The following B3GALT1 variants were observed in gnomAD, a reference collection of about 807,000 sequenced individuals.
The protein encoded by B3GALT1 is beta-1,3-galactosyltransferase 1, also known as UDP-Gal:betaGlcNAc beta 1,3-galactosyltransferase, polypeptide 1.
B3GALT1 carries 10 observed loss-of-function variants against 23.2 expected under a neutral mutation model. The ratio of observed to expected loss-of-function variants is 0.43; its 90% confidence interval spans 0.27 to 0.73. B3GALT1 has a LOEUF of 0.73. Among genes scored for constraint, B3GALT1 ranks in the 30% least tolerant of loss-of-function variants. The probability of loss-of-function intolerance (pLI) is 0.21; values close to 1 mark genes in which losing one functional copy is unlikely to be tolerated. For synonymous variants in B3GALT1, 156 were observed against 141.5 expected (o/e 1.10, Z -0.73); for missense variants, 299 against 405.4 (o/e 0.74, Z 2.25).
intron 1 of B3GALT1, among the ~76,000 whole-genome samples, chr2:167,371,343 C>T (rs1487693437): frequency 6.6e-6 from 1 of 152,042 alleles, no homozygotes; most frequent in Non-Finnish European, 1.5e-5. Flanking sequence ...AAATAGGCCC[C>T]TGTACTAAGG....
chr2:167,715,638 C>G (rs1418964089), intron 3 of B3GALT1: 1 of 1,613,830 alleles, frequency 6.2e-7, no homozygotes, highest in Admixed American at 1.7e-5. Context: ...AGGATTTCAT[C>G]CTCAAGTTCA....
At chr2:167,698,365 A>C (rs1339077510) in intron 3 of B3GALT1, among the ~76,000 whole-genome samples, 1 of 152,202 alleles carries the variant, frequency 6.6e-6, no homozygotes, top group South Asian at 2.1e-4. Context: ...TTTTAAGATC[A>C]TCTCCTTCCT....
chr2:167,646,575 T>C (rs183171827), intron 2 of B3GALT1, among the ~76,000 whole-genome samples: 1 of 152,336 alleles, frequency 6.6e-6, no homozygotes, highest in Admixed American at 6.5e-5. Context: ...CTAATGATAC[T>C]TGTAGTCACA....
intron 2 of B3GALT1, among the ~76,000 whole-genome samples, chr2:167,549,466 A>C (rs972396285): frequency 4.1e-4 from 62 of 152,318 alleles, no homozygotes; most frequent in Non-Finnish European, 6.9e-4. Flanking sequence ...TCCTGACAAC[A>C]AGAAGCTTCC....
Position 167,704,090 on chromosome 2 carries a change from G to A in B3GALT1, c.-352+57124G>A, listed in dbSNP as rs527818759. On this transcript the variant is annotated intron_variant, in intron 3 of 4. Transcript: ENST00000392690. ...CAGCTACTCGGGAGGCTGAGGCAGG[G>A]GAATGGCGTGAACCCGGGAGGCGGA... Among the ~76,000 whole-genome samples the A allele has an allele frequency of 3.9e-3, 585 of 150,516 alleles. 6 individuals are homozygous for A. The highest frequency in any genetic ancestry group is 0.011 in the South Asian group (52 of 4,762).
intron 2 of B3GALT1, among the ~76,000 whole-genome samples, chr2:167,638,882 A>G (rs114689629): frequency 0.021 from 3,207 of 152,084 alleles, 50 homozygotes; most frequent in Non-Finnish European, 0.031. Context: ...CAACCCTGAC[A>G]TTGATTAGCT....
chr2:167,732,493 A>G (rs1351580294), intron 3 of B3GALT1, among the ~76,000 whole-genome samples: 1 of 152,204 alleles, frequency 6.6e-6, no homozygotes, highest in Admixed American at 6.5e-5. Context: ...TGCAGTGGAT[A>G]TGCCACTGGC....
intron 3 of B3GALT1, among the ~76,000 whole-genome samples, chr2:167,677,209 A>G (rs1686443646): frequency 6.6e-6 from 1 of 151,126 alleles, no homozygotes; most frequent in Non-Finnish European, 1.5e-5. Context: ...TGAAATGAGT[A>G]GATTATAGCT....
intron 4 of B3GALT1, among the ~76,000 whole-genome samples, chr2:167,837,882 A>AC (rs1689521866): frequency 6.6e-6 from 1 of 152,160 alleles, no homozygotes; most frequent in African/African-American, 2.4e-5. Context: ...CTCACTCAAA[A>AC]CCGCTCAACT....
At chr2:167,513,961 C>T (rs1700065474) in intron 2 of B3GALT1, among the ~76,000 whole-genome samples, 1 of 152,102 alleles carries the variant, frequency 6.6e-6, no homozygotes, top group South Asian at 2.1e-4. Context: ...GGCTGGAGGG[C>T]AGTGGTGCAG....
At chr2:167,463,127 A>T (rs1699290024) in intron 1 of B3GALT1, among the ~76,000 whole-genome samples, 1 of 151,460 alleles carries the variant, frequency 6.6e-6, no homozygotes, top group East Asian at 1.9e-4. Flanking sequence ...CTGGTTATTT[A>T]TTTTGTCTGT....
intron 1 of B3GALT1, among the ~76,000 whole-genome samples, chr2:167,448,329 G>T (rs1409447165): frequency 6.6e-6 from 1 of 152,006 alleles, no homozygotes; most frequent in Non-Finnish European, 1.5e-5. Flanking sequence ...CAGGAGTAAG[G>T]TGGTATTACA....
chr2:167,806,471 T>A (rs1228403371), intron 3 of B3GALT1, among the ~76,000 whole-genome samples: 1 of 152,218 alleles, frequency 6.6e-6, no homozygotes, highest in Non-Finnish European at 1.5e-5. Flanking sequence ...AGATAGCTCT[T>A]ATTATTTTGA....
intron 2 of B3GALT1, among the ~76,000 whole-genome samples, chr2:167,603,155 T>C (rs995953022): frequency 6.6e-6 from 1 of 152,202 alleles, no homozygotes; most frequent in Non-Finnish European, 1.5e-5. Context: ...ATGTTTCCTA[T>C]TAAGATAACT....
At chr2:167,459,517 G>A (rs1029826140) in intron 1 of B3GALT1, among the ~76,000 whole-genome samples, 1 of 152,034 alleles carries the variant, frequency 6.6e-6, no homozygotes, top group Non-Finnish European at 1.5e-5. Context: ...CTTCAAATAT[G>A]TAGAAAACAA....
intron 4 of B3GALT1, among the ~76,000 whole-genome samples, chr2:167,838,547 C>T (rs879725954): frequency 1.2e-4 from 19 of 152,402 alleles, no homozygotes; most frequent in Admixed American, 2.0e-4. Context: ...AGCTTACCGA[C>T]CATAAAGAGT....
At chr2:167,702,061 G>T (rs1033143070) in intron 3 of B3GALT1, among the ~76,000 whole-genome samples, 22 of 152,180 alleles carry the variant, frequency 1.4e-4, no homozygotes, top group African/African-American at 5.3e-4. Flanking sequence ...ATAACGTTAG[G>T]ATCTGTAATT....
chr2:167,614,457 CA>C (rs1421597590), intron 2 of B3GALT1, among the ~76,000 whole-genome samples: 1 of 151,498 alleles, frequency 6.6e-6, no homozygotes, highest in Non-Finnish European at 1.5e-5. Flanking sequence ...TCTCTGAATC[CA>C]TTAGTAAGGA....
rs542887585 is a variant in B3GALT1, at chr2:167,357,045, T to C, written c.-511+63711T>C. 1.3e-4 allele frequency among the ~76,000 whole-genome samples: 19 copies of C among 151,686 alleles called. No individual in the cohort carries two copies. The East Asian group carries it at 2.1e-3, about 17-fold the overall frequency. On this transcript the variant is annotated intron_variant, in intron 1 of 4. Coordinates refer to ENST00000392690, the MANE Select transcript of B3GALT1 (RefSeq NM_020981.4). ...GTGTGTGTGTGTATATATATATATG[T>C]ATGTGTGACAGTACACATGTGAATA...
Sources: gnomAD v4.1 joint callset for allele counts (sites outside exome capture counted in the v4.1 genomes callset) on GRCh38, gnomAD v4.1.1 for gene constraint, MANE v1.5 for transcripts, NCBI Gene and HGNC (gene_info 2026-07-23, HGNC 2026-07-21) for gene names.